The following KIF1A variants were observed in gnomAD, a reference collection of about 807,000 sequenced individuals.
The protein encoded by KIF1A is kinesin family member 1A.
KIF1A carries 46 observed loss-of-function variants against 227.3 expected under a neutral mutation model. The observed-to-expected ratio is 0.20, with a 90% CI of 0.16 to 0.26. The LOEUF (loss-of-function observed/expected upper bound fraction) is 0.26. Ranked by LOEUF, KIF1A falls within the 10% of genes least tolerant of loss-of-function variation. The pLI, the probability that KIF1A is intolerant of heterozygous loss-of-function variation, is 1.00. For missense variants in KIF1A, 1,683 were observed against 2,485.9 expected (o/e 0.68, Z 6.87); for synonymous variants, 1,022 against 1,012.8 (o/e 1.01, Z -0.17).
intron 10 of KIF1A, among the ~76,000 whole-genome samples, chr2:240,780,680 T>C (rs1435238898): frequency 2.0e-5 from 3 of 151,750 alleles, no homozygotes; most frequent in Non-Finnish European, 2.9e-5. Flanking sequence ...CCACGGTTCC[T>C]GAGGCATTTA....
intron 34 of KIF1A, among the ~76,000 whole-genome samples, chr2:240,741,730 G>T (rs572189067): frequency 1.3e-5 from 2 of 152,276 alleles, no homozygotes; most frequent in South Asian, 4.2e-4. Context: ...AACCCTCACG[G>T]GGCCGCTCTG....
rs763326105 is a variant in KIF1A, at chr2:240,726,813, A to C, written c.4122+13T>G. 1 of 1,554,184 alleles carries C rather than the reference A, an allele frequency of 6.4e-7. No homozygotes were observed. The highest frequency in any genetic ancestry group is 1.7e-5 in the Admixed American group (1 of 58,222). ...AGTGGTTTTGGTGGAGTGCCCTGGC[A>C]TAGGTGCCTTGCCTCGATATAAGCG... On this transcript the variant is annotated intron_variant, in intron 39 of 48. Coordinates refer to ENST00000498729, the MANE Select transcript of KIF1A (RefSeq NM_001244008.2). This position sits in a 1 kb window ranked among gnomAD's most constrained non-coding sequence, Gnocchi z 5.2.
intron 1 of KIF1A, among the ~76,000 whole-genome samples, chr2:240,818,415 C>T (rs2058479218): frequency 6.6e-6 from 1 of 152,184 alleles, no homozygotes; most frequent in African/African-American, 2.4e-5. Flanking sequence ...TGACTCCAAC[C>T]ACCCCATCAA....
At position 240,742,812 on chromosome 2, in the gene KIF1A, C is replaced by G. The variant is rs2048142478; in HGVS notation, c.3640+117G>C. ...CAGGCTCAGGGTGGCGCCAGAGTGC[C>G]TGGGAGGGCACAGCCCAGTCACAGA... On this transcript the variant is annotated intron_variant, in intron 34 of 48. Transcript: ENST00000498729. The G allele has an allele frequency of 1.8e-5, 17 of 950,340 alleles. No individual in the cohort carries two copies. The South Asian group carries it at 2.5e-4, about 14-fold the overall frequency. The allele number at this position is 950,340 out of a possible 1,614,324, so 58.9% of individuals were successfully genotyped here.
In KIF1A at chr2:240,763,088, G is replaced by C; in HGVS notation, c.1953C>G (p.Leu651=). ...GGCGGTACTGGTCCTCCAGTTCCTG[G>C]AGCCTGCAAGGGGGCATTGGGGTGA... The part of the protein sequence containing the change: ...IDMKQEMEQR[L]QELEDQYRRE... The change falls in exon 22 of 49, where the codon CTC becomes CTG. Residue 651 remains leucine (L), a synonymous_variant. Transcript: ENST00000498729. The C allele has an allele frequency of 6.3e-7, 1 of 1,581,330 alleles. No homozygotes were observed. Among genetic ancestry groups the C allele is most frequent in the Non-Finnish European group, 8.6e-7 (1 of 1,165,124 alleles).
At chr2:240,796,981 T>C (rs550032837) in intron 2 of KIF1A, among the ~76,000 whole-genome samples, 1 of 152,278 alleles carries the variant, frequency 6.6e-6, no homozygotes, top group East Asian at 1.9e-4. Context: ...AAGGCTGTCA[T>C]TGTCCACATC....
chr2:240,764,422 A>T (rs1321265845), intron 20 of KIF1A, among the ~76,000 whole-genome samples: 1 of 151,040 alleles, frequency 6.6e-6, no homozygotes, highest in African/African-American at 2.4e-5. Context: ...AGCCACACCG[A>T]CTCCCCATTA....
intron 28 of KIF1A, among the ~76,000 whole-genome samples, chr2:240,747,907 T>C (rs1204525064): frequency 6.6e-6 from 1 of 152,252 alleles, no homozygotes; most frequent in Non-Finnish European, 1.5e-5. Context: ...CGCCTGCTCA[T>C]GCAGGAGTCA....
In KIF1A at chr2:240,720,967, G is replaced by T; in HGVS notation, c.4815C>A (p.Pro1605=). ...MSPLGVATLT[P]SSTCPSLVEG... ...CAACCAGAGAGGGGCAAGTGGAGGA[G>T]GGGGTGAGAGTGGCCACCCCTAGAG... The change falls in exon 45 of 49, where the codon CCC becomes CCA. Residue 1605 remains proline (P), a synonymous_variant. Transcript: ENST00000498729. The T allele has an allele frequency of 6.2e-7, 1 of 1,604,364 alleles. No homozygotes were observed.
rs368650174 is a variant in KIF1A at position 240,769,216 on chromosome 2, A to G, written c.1422-8T>C. On this transcript the variant is annotated splice_region_variant and splice_polypyrimidine_tract_variant and intron_variant, in intron 16 of 48. Transcript: ENST00000498729. ...TCGGCCAGCAGGGCTTCCCTGGGGG[A>G]ACAGAGCTGAGGTCAGCACAAGCTC... 46 of 1,604,816 alleles carry G rather than the reference A, an allele frequency of 2.9e-5. No homozygotes were observed. The African/African-American group carries it at 5.7e-4, about 20-fold the overall frequency.
chr2:240,781,784 C>T (rs936853217), intron 10 of KIF1A: 6 of 985,218 alleles, frequency 6.1e-6, no homozygotes, highest in Admixed American at 6.1e-5. Flanking sequence ...TCAGCTTCCT[C>T]GCCTGGCTCC....
intron 43 of KIF1A, 137 bp downstream of exon 43, chr2:240,722,313 TAGGGAC>T: frequency 5.2e-6 from 4 of 768,214 alleles, no homozygotes; most frequent in Non-Finnish European, 8.2e-6. Context: ...AAGGGGACCC[TAGGGAC>T]CCCTCAAGCT....
rs969004684 is a variant in KIF1A, at chr2:240,788,786, G to A, written c.183+450C>T. Among the ~76,000 whole-genome samples the A allele has an allele frequency of 6.6e-6, 1 of 152,116 alleles. No individual in the cohort carries two copies. The highest frequency in any genetic ancestry group is 2.4e-5 in the African/African-American group (1 of 41,414). ...AGATATAGATATGAGGGGCTTAGAT[G>A]AGGAGGCTGCATGCCTTCTTCTAGA... On this transcript the variant is annotated intron_variant, in intron 3 of 48. Transcript: ENST00000498729. The surrounding 1 kb of genome is among the most constrained non-coding windows in gnomAD (Gnocchi z 6.6).
Position 240,792,366 on chromosome 2 carries a change from C to T in KIF1A, c.107-3054G>A, listed in dbSNP as rs574711600. ...TGCTGGGCTGGGCTCCTCAGCCAGC[C>T]CCTTTAGGGCCCCCATCCCCTCCCA... On this transcript the variant is annotated intron_variant, in intron 2 of 48. Coordinates refer to ENST00000498729, the MANE Select transcript of KIF1A (RefSeq NM_001244008.2). The surrounding 1 kb of genome is among the most constrained non-coding windows in gnomAD (Gnocchi z 4.5). Among the ~76,000 whole-genome samples, 4 of 151,896 alleles carry T rather than the reference C, an allele frequency of 2.6e-5. No individual in the cohort carries two copies. The highest frequency in any genetic ancestry group is 2.1e-4 in the South Asian group (1 of 4,786).
At chr2:240,787,933 C>G in intron 4 of KIF1A, 118 bp downstream of exon 4, 1 of 988,566 alleles carries the variant, frequency 1.0e-6, no homozygotes, top group South Asian at 1.6e-5. Context: ...CTGGCCTTCC[C>G]CTCCTGACTC....
chr2:240,756,172 C>A (rs2049826609), intron 27 of KIF1A, among the ~76,000 whole-genome samples: 1 of 152,142 alleles, frequency 6.6e-6, no homozygotes, highest in South Asian at 2.1e-4. Context: ...CGATCTGGGG[C>A]CACCCTTAGC....
chr2:240,757,587 T>A lies in KIF1A; in HGVS notation c.2590A>T (p.Ile864Phe). 2.0e-6 allele frequency: 3 copies of A among 1,536,540 alleles called. No individual in the cohort carries two copies. The highest frequency in any genetic ancestry group is 2.6e-6 in the Non-Finnish European group (3 of 1,139,952). Residue 864 changes from isoleucine to phenylalanine, a missense_variant, in exon 27 of 49, where the codon ATC becomes TTC. Around this residue, in one of 12 missense-constraint regions of KIF1A, gnomAD observed 759 missense variants for 1,020.2 expected, o/e 0.74. Transcript: ENST00000498729. This position sits in a 1 kb window ranked among gnomAD's most constrained non-coding sequence, Gnocchi z 6.2. ...AGAGGGTAGCTGTTGCAGCCAGAGA[T>A]GGCTGAACTGAGGTTAGTGCGACAA... ...PWFRLVGSSA[I>F]SGCNSYPLLN...
At chr2:240,727,549 G>C (rs893910178) in intron 38 of KIF1A, among the ~76,000 whole-genome samples, 1 of 152,250 alleles carries the variant, frequency 6.6e-6, no homozygotes, top group Non-Finnish European at 1.5e-5. Context: ...AAGGCCCCGG[G>C]GGGAGGATGC....
At chr2:240,722,368 A>C (rs2045508344) in intron 43 of KIF1A, 88 bp downstream of exon 43, 1 of 1,310,870 alleles carries the variant, frequency 7.6e-7, no homozygotes, top group Non-Finnish European at 1.1e-6. Flanking sequence ...AGCCATGGGC[A>C]AGGCCGGGTT....
Sources: allele counts gnomAD v4.1 joint callset (sites outside exome capture counted in the v4.1 genomes callset), GRCh38; gene constraint gnomAD v4.1.1; regional missense constraint gnomAD v4.1.1; non-coding constraint Gnocchi (gnomAD v3.1); transcripts MANE v1.5; gene names NCBI Gene and HGNC (gene_info 2026-07-23, HGNC 2026-07-21).